The following THNSL1 variants were observed in gnomAD, a reference collection of about 807,000 sequenced individuals.
THNSL1 encodes threonine synthase-like 1.
In THNSL1, 48 loss-of-function variants were observed where a neutral mutation model predicts 50.4. The observed-to-expected ratio is 0.95, with a 90% confidence interval of 0.76 to 1.21. The LOEUF is 1.21. Among genes scored for constraint, THNSL1 ranks in the 50% most tolerant of loss-of-function variants. The probability of loss-of-function intolerance (pLI) is 0.00; values close to 1 mark genes in which losing one functional copy is unlikely to be tolerated. For synonymous variants in THNSL1, 309 were observed against 306.1 expected (o/e 1.01, Z -0.10); for missense variants, 896 against 871.7 (o/e 1.03, Z -0.35).
chr10:24,980,175 G>A, the THNSL1 span, among the ~76,000 whole-genome samples: 2 of 152,034 alleles, frequency 1.3e-5, no homozygotes, highest in Non-Finnish European at 2.9e-5. Context: ...TGCTTAAAAC[G>A]CATCAGTGGT....
At chr10:25,012,821 G>A (rs1466622394), upstream of THNSL1, among the ~76,000 whole-genome samples, 1 of 152,200 alleles carries the variant, frequency 6.6e-6, no homozygotes, top group East Asian at 1.9e-4. Flanking sequence ...TTGGGGGACT[G>A]TTGGGAAGGT....
the THNSL1 span, among the ~76,000 whole-genome samples, chr10:25,002,922 TA>T: frequency 4.9e-4 from 72 of 147,230 alleles, no homozygotes; most frequent in Non-Finnish European, 5.0e-4. Context: ...TCATTTGGGG[TA>T]AAAAAAAAAG....
chr10:25,019,221 C>T (rs1486588844), intron 1 of THNSL1, among the ~76,000 whole-genome samples: 1 of 152,100 alleles, frequency 6.6e-6, no homozygotes, highest in Non-Finnish European at 1.5e-5. Context: ...ACCTGCAATC[C>T]AAGCACTTTT....
chr10:25,024,661 GTAGT>G lies in THNSL1; in HGVS notation c.1440_1443del (p.Val481IlefsTer34). 6 of 1,614,200 alleles carry G rather than the reference GTAGT, an allele frequency of 3.7e-6. No individual in the cohort carries two copies. The highest frequency in any genetic ancestry group is 4.2e-6 in the Non-Finnish European group (5 of 1,180,032). ...AAACTGGGGCCGACTACTTCCGCAGGTAGTTTATCATGCTTCCGCATATCTTGAT... is the reference window on the plus strand; with the variant it reads ...AAACTGGGGCCGACTACTTCCGCAGGTTATCATGCTTCCGCATATCTTGAT... On this transcript the variant is annotated frameshift_variant, in exon 3 of 3. Transcript: ENST00000376356. LOFTEE classifies it high-confidence loss of function.
the THNSL1 span, among the ~76,000 whole-genome samples, chr10:24,995,325 G>T: frequency 7.2e-5 from 11 of 152,250 alleles, no homozygotes; most frequent in African/African-American, 2.6e-4. Flanking sequence ...TTACAGTAAT[G>T]ACTGCTTTTA....
At chr10:24,958,990 A>G in the THNSL1 span, among the ~76,000 whole-genome samples, 1 of 152,232 alleles carries the variant, frequency 6.6e-6, no homozygotes, top group Non-Finnish European at 1.5e-5. Flanking sequence ...GGAACTAGGG[A>G]CTAAGCAGTA....
chr10:25,014,702 G>C (rs186950785), upstream of THNSL1, among the ~76,000 whole-genome samples: 8 of 152,258 alleles, frequency 5.3e-5, no homozygotes, highest in Admixed American at 5.2e-4. Context: ...TGCAACAATA[G>C]AAAATTTGAA....
chr10:24,990,201 T>C, the THNSL1 span, among the ~76,000 whole-genome samples: 40 of 152,302 alleles, frequency 2.6e-4, no homozygotes, highest in East Asian at 5.8e-3. Context: ...TAGAGGAAGG[T>C]AGGCTTCCTT....
the THNSL1 span, among the ~76,000 whole-genome samples, chr10:24,977,377 A>G: frequency 0.024 from 3,668 of 152,342 alleles, 154 homozygotes; most frequent in African/African-American, 0.083. Context: ...CTTACCTTTG[A>G]GTAAATTATA....
chr10:25,011,765 AAAG>A (rs545345231), upstream of THNSL1, among the ~76,000 whole-genome samples: 37 of 152,358 alleles, frequency 2.4e-4, no homozygotes, highest in Middle Eastern at 3.4e-3. Context: ...GCAGAGCATA[AAAG>A]TTCAGAAAAT....
chr10:25,024,806 G>T lies in THNSL1; in HGVS notation c.1583G>T (p.Arg528Leu). ...VYAKMMGIPI[R>L]KFICASNQNH... ...GCCAAAATGATGGGAATCCCGATTCGAAAATTTATCTGTGCCTCTAATCAG... is the reference window on the plus strand; with the variant it reads ...GCCAAAATGATGGGAATCCCGATTCTAAAATTTATCTGTGCCTCTAATCAG... The change falls in exon 3 of 3, where the codon CGA (arginine) becomes CTA (leucine). Residue 528 changes from arginine to leucine, a missense_variant. By Grantham distance (102) the Arg-to-Leu change is moderately radical. Coordinates refer to ENST00000376356, the MANE Select transcript of THNSL1 (RefSeq NM_024838.5). 6.2e-7 allele frequency: 1 copy of T among 1,614,142 alleles called. No individual in the cohort carries two copies. Among genetic ancestry groups the T allele is most frequent in the Middle Eastern group, 1.6e-4 (1 of 6,062 alleles).
the THNSL1 span, among the ~76,000 whole-genome samples, chr10:25,003,175 TTA>T: frequency 7.8e-4 from 108 of 138,768 alleles, 1 homozygote; most frequent in Admixed American, 1.6e-3. Context: ...AATTAATTAA[TTA>T]ATTAATTTAT....
At chr10:25,012,388 C>T (rs1015149178), upstream of THNSL1, among the ~76,000 whole-genome samples, 1 of 152,180 alleles carries the variant, frequency 6.6e-6, no homozygotes, top group East Asian at 1.9e-4. Flanking sequence ...CCACTGAGAG[C>T]ATGCACCATG....
At chr10:25,012,580 T>C (rs1850476382), upstream of THNSL1, among the ~76,000 whole-genome samples, 1 of 152,252 alleles carries the variant, frequency 6.6e-6, no homozygotes, top group South Asian at 2.1e-4. Context: ...TAAGGTTTAA[T>C]GACTGCCCTA....
the THNSL1 span, chr10:24,999,487 A>G: frequency 6.2e-7 from 1 of 1,613,248 alleles, no homozygotes; most frequent in Non-Finnish European, 8.5e-7. Flanking sequence ...CATAGTTTTC[A>G]TTGCAGTTTT....
chr10:24,966,526 A>T, the THNSL1 span, among the ~76,000 whole-genome samples: 3 of 152,104 alleles, frequency 2.0e-5, no homozygotes, highest in Non-Finnish European at 2.9e-5. Context: ...GTGCCCCAAC[A>T]CCGTTTTCAT....
At chr10:24,963,084 A>G in the THNSL1 span, among the ~76,000 whole-genome samples, 1 of 152,202 alleles carries the variant, frequency 6.6e-6, no homozygotes, top group African/African-American at 2.4e-5. Context: ...ATTTCTCAGC[A>G]TGTTCATTAC....
At position 25,025,482 on chromosome 10, in the gene THNSL1, T is replaced by C. The variant is rs1282465410; in HGVS notation, c.*27T>C. On this transcript the variant is annotated 3_prime_UTR_variant, in exon 3 of 3. Transcript: ENST00000376356. ...AGCTTTCAGAGTAAATTTTTTTTTC[T>C]AGCTATAAGCATGCAATAATAAATC... is the stretch of plus-strand genomic sequence containing the variant. 1 of 1,569,616 alleles carries C rather than the reference T, an allele frequency of 6.4e-7. No individual in the cohort carries two copies. The highest frequency in any genetic ancestry group is 1.4e-5 in the African/African-American group (1 of 73,000).
At chr10:24,954,067 C>A in the THNSL1 span, among the ~76,000 whole-genome samples, 2 of 152,204 alleles carry the variant, frequency 1.3e-5, no homozygotes, top group East Asian at 3.9e-4. Context: ...TAGTCTGCAT[C>A]TCACTTCTTT....
Sources: allele counts gnomAD v4.1 joint callset (sites outside exome capture counted in the v4.1 genomes callset), GRCh38; gene constraint gnomAD v4.1.1; transcripts MANE v1.5; gene names NCBI Gene and HGNC (gene_info 2026-07-23, HGNC 2026-07-21).